PTPN3: variants seen among roughly 807,000 people sequenced by gnomAD.
The protein encoded by PTPN3 is protein tyrosine phosphatase non-receptor type 3.
PTPN3 carries 96 observed loss-of-function variants against 132.7 expected under a neutral mutation model. That is an observed-to-expected ratio of 0.72 (90% CI 0.61 to 0.86). The LOEUF is 0.86. Among genes scored for constraint, PTPN3 ranks in the 40% least tolerant of loss-of-function variants. The probability of loss-of-function intolerance (pLI) is 0.00; values close to 1 mark genes in which losing one functional copy is unlikely to be tolerated. For synonymous variants in PTPN3, 398 were observed against 429.0 expected (o/e 0.93, Z 0.89); for missense variants, 1,125 against 1,159.6 (o/e 0.97, Z 0.43).
intron 1 of PTPN3, among the ~76,000 whole-genome samples, chr9:109,465,705 TCAAAAA>T (rs1846068334): frequency 1.6e-5 from 1 of 60,766 alleles, no homozygotes; most frequent in African/African-American, 7.4e-5. Flanking sequence ...AAACTCTGTC[TCAAAAA>T]AAAAAAAAAA....
the PTPN3 span, among the ~76,000 whole-genome samples, chr9:109,514,562 TGGA>T: frequency 2.0e-5 from 3 of 152,318 alleles, no homozygotes; most frequent in East Asian, 5.8e-4. Context: ...GCTTATTGTA[TGGA>T]GGAGAAGCAA....
chr9:109,386,875 C>T (rs1384767787), intron 22 of PTPN3, among the ~76,000 whole-genome samples: 1 of 152,148 alleles, frequency 6.6e-6, no homozygotes, highest in African/African-American at 2.4e-5. Flanking sequence ...CTGGGGGAGC[C>T]TCTAGGCCAG....
upstream of PTPN3, among the ~76,000 whole-genome samples, chr9:109,502,595 A>C (rs1847875492): frequency 6.6e-6 from 1 of 152,184 alleles, no homozygotes; most frequent in Admixed American, 6.5e-5. Context: ...CAGGAGTTTG[A>C]GACCAGTCTG....
At chr9:109,490,826 T>C in intron 1 of PTPN3, among the ~76,000 whole-genome samples, 1 of 149,368 alleles carries the variant, frequency 6.7e-6, no homozygotes, top group Non-Finnish European at 1.5e-5. Context: ...TAACGAGACA[T>C]GACAACCGTA....
intron 1 of PTPN3, among the ~76,000 whole-genome samples, chr9:109,487,551 C>T (rs1345534240): frequency 6.6e-6 from 1 of 152,226 alleles, no homozygotes; most frequent in Non-Finnish European, 1.5e-5. Context: ...CTCTTTTAAA[C>T]AGCCTTCCAG....
intron 1 of PTPN3, among the ~76,000 whole-genome samples, chr9:109,493,376 A>C (rs1847543829): frequency 6.6e-6 from 1 of 152,060 alleles, no homozygotes. Context: ...TGGGGCTGGA[A>C]GGAATCAGTC....
intron 5 of PTPN3, chr9:109,451,350 G>C (rs1845235688): frequency 5.1e-6 from 5 of 973,986 alleles, no homozygotes; most frequent in Non-Finnish European, 6.1e-6. Context: ...GAAGGTCATA[G>C]TTACATTCTA....
At chr9:109,406,360 T>C in intron 18 of PTPN3, 102 bp downstream of exon 18, 1 of 1,370,644 alleles carries the variant, frequency 7.3e-7, no homozygotes. Context: ...TTTCAAATGT[T>C]GGCTACAAAC....
intron 10 of PTPN3, among the ~76,000 whole-genome samples, chr9:109,430,521 A>G (rs1349657807): frequency 6.7e-6 from 1 of 149,896 alleles, no homozygotes; most frequent in Non-Finnish European, 1.5e-5. Flanking sequence ...GGGGCTCCCT[A>G]CTGCCCTTCA....
At chr9:109,480,231 T>C (rs1261908961) in intron 1 of PTPN3, among the ~76,000 whole-genome samples, 1 of 152,328 alleles carries the variant, frequency 6.6e-6, no homozygotes, top group East Asian at 1.9e-4. Context: ...TGGAGGGCAG[T>C]AGCACCATCT....
Position 109,404,496 on chromosome 9 carries a change from T to C in PTPN3, c.1905A>G (p.Ala635=). ...EGGDTLEGSM[A]QLKKGLESGT... The stretch of plus-strand genomic sequence containing the variant: ...CGCTTTCGAGGCCCTTCTTTAGCTG[T>C]GCCATGGATCCCTCCAAAGTGTCCC... Residue 635 remains alanine, a synonymous_variant, in exon 19 of 26, where the codon GCA becomes GCG. Coordinates refer to ENST00000374541, the MANE Select transcript of PTPN3 (RefSeq NM_002829.4). 1.3e-6 allele frequency: 2 copies of C among 1,546,606 alleles called. No homozygotes were observed. The highest frequency in any genetic ancestry group is 1.8e-6 in the Non-Finnish European group (2 of 1,135,380).
intron 1 of PTPN3, among the ~76,000 whole-genome samples, chr9:109,478,947 T>C (rs929185025): frequency 9.2e-5 from 14 of 151,830 alleles, no homozygotes; most frequent in African/African-American, 3.4e-4. Context: ...TCCCACTACC[T>C]CTTCTGGTCT....
intron 7 of PTPN3, among the ~76,000 whole-genome samples, chr9:109,442,749 A>T (rs939437264): frequency 2.0e-5 from 3 of 152,180 alleles, no homozygotes; most frequent in Non-Finnish European, 4.4e-5. Context: ...CACTCATTTC[A>T]TCTTCACTAC....
chr9:109,474,676 C>T (rs1020049609), intron 1 of PTPN3, among the ~76,000 whole-genome samples: 6 of 152,110 alleles, frequency 3.9e-5, no homozygotes, highest in East Asian at 3.9e-4. Context: ...ATTTAGCAGG[C>T]GTTCCTGAGG....
intron 25 of PTPN3, 21 bp downstream of exon 25, chr9:109,381,631 A>G (rs1450573098): frequency 1.1e-5 from 18 of 1,613,912 alleles, no homozygotes; most frequent in East Asian, 2.2e-5. Context: ...CAGCCACCGT[A>G]ATTACTGGAT....
At chr9:109,479,241 C>T (rs774052239) in intron 1 of PTPN3, among the ~76,000 whole-genome samples, 34 of 145,730 alleles carry the variant, frequency 2.3e-4, no homozygotes, top group Middle Eastern at 3.5e-3. Flanking sequence ...TCTGCCTCTA[C>T]GAATTTGCCT....
the PTPN3 span, chr9:109,534,214 G>A: frequency 7.5e-7 from 1 of 1,325,966 alleles, no homozygotes; most frequent in East Asian, 2.3e-5. Context: ...GAAGCCTCCC[G>A]GGCCACCGTT....
At chr9:109,449,322 A>C (rs1224571292) in intron 5 of PTPN3, 11 of 988,004 alleles carry the variant, frequency 1.1e-5, no homozygotes, top group Non-Finnish European at 1.3e-5. Flanking sequence ...AAAGGAGGGG[A>C]GTCTGTGAAG....
chr9:109,410,563 C>G, intron 14 of PTPN3, 148 bp from the exon 15 acceptor site: 1 of 856,276 alleles, frequency 1.2e-6, no homozygotes, highest in Non-Finnish European at 1.8e-6. Flanking sequence ...TTGAGTACAC[C>G]CAGGGCCCAC....
Sources: gnomAD v4.1 joint callset for allele counts (sites outside exome capture counted in the v4.1 genomes callset) on GRCh38, gnomAD v4.1.1 for gene constraint, MANE v1.5 for transcripts, NCBI Gene and HGNC (gene_info 2026-07-23, HGNC 2026-07-21) for gene names.